HEATR4: variants seen among roughly 807,000 people sequenced by gnomAD.
HEATR4 encodes the protein HEAT repeat containing 4.
HEATR4 carries 95 observed loss-of-function variants against 108.8 expected under a neutral mutation model. That is an observed-to-expected ratio of 0.87 (90% CI 0.74 to 1.04). HEATR4 has a LOEUF of 1.04. Ranked by LOEUF, HEATR4 falls within the 50% of genes least tolerant of loss-of-function variation. The probability of loss-of-function intolerance (pLI) is 0.00; values close to 1 mark genes in which losing one functional copy is unlikely to be tolerated. For synonymous variants in HEATR4, 443 were observed against 459.4 expected, an observed-to-expected ratio of 0.96 and a Z score of 0.46; for missense variants, 1,152 against 1,253.8, an observed-to-expected ratio of 0.92 and a Z score of 1.23.
chr14:73,589,360 C>T, the HEATR4 span, among the ~76,000 whole-genome samples: 1 of 151,992 alleles, frequency 6.6e-6, no homozygotes, highest in African/African-American at 2.4e-5. Flanking sequence ...CGCTCTGTCA[C>T]CGATGCTGTA....
intron 4 of HEATR4, 74 bp downstream of exon 4, chr14:73,520,778 C>T: frequency 2.9e-6 from 4 of 1,395,960 alleles, no homozygotes; most frequent in Non-Finnish European, 4.0e-6. Flanking sequence ...CAACTGTTTC[C>T]AGCCCCCAGC....
At chr14:73,569,396 G>A in the HEATR4 span, 1 of 1,614,000 alleles carries the variant, frequency 6.2e-7, no homozygotes. Flanking sequence ...AGCTGAGGCA[G>A]GTTGGTCAGA....
the HEATR4 span, chr14:73,595,489 C>A: frequency 1.1e-5 from 17 of 1,613,914 alleles, no homozygotes; most frequent in Non-Finnish European, 1.4e-5. Flanking sequence ...CTCCTTACTT[C>A]CCCCTGTGCC....
the HEATR4 span, among the ~76,000 whole-genome samples, chr14:73,620,043 C>T: frequency 6.6e-6 from 1 of 151,792 alleles, no homozygotes; most frequent in South Asian, 2.1e-4. Context: ...TCCCGAGTAT[C>T]TGGGATTACA....
chr14:73,569,424 C>A, the HEATR4 span: 3 of 1,613,796 alleles, frequency 1.9e-6, no homozygotes, highest in Non-Finnish European at 2.5e-6. Flanking sequence ...GGTTCCTGCT[C>A]GGATGGCGGC....
At chr14:73,521,279 C>T (rs544848852) in intron 3 of HEATR4, among the ~76,000 whole-genome samples, 1 of 152,254 alleles carries the variant, frequency 6.6e-6, no homozygotes, top group Admixed American at 6.5e-5. Flanking sequence ...ATGCCTTCTG[C>T]AGCCACCAAG....
chr14:73,538,883 G>A (rs1482842350), intron 1 of HEATR4, among the ~76,000 whole-genome samples: 1 of 113,090 alleles, frequency 8.8e-6, no homozygotes, highest in Non-Finnish European at 1.9e-5. Flanking sequence ...CAGGAGAATC[G>A]CTGGAACCCT....
the HEATR4 span, chr14:73,631,622 G>A: frequency 5.1e-3 from 827 of 163,184 alleles, 8 homozygotes; most frequent in African/African-American, 0.018. Flanking sequence ...AGAACGGGTC[G>A]CTGCCACCAA....
chr14:73,568,111 C>T, the HEATR4 span: 1 of 151,972 alleles, frequency 6.6e-6, no homozygotes, highest in African/African-American at 2.4e-5. Context: ...ACAGAACATA[C>T]TTGAGGTGTT....
At chr14:73,577,673 C>T in the HEATR4 span, among the ~76,000 whole-genome samples, 4 of 151,906 alleles carry the variant, frequency 2.6e-5, no homozygotes, top group Non-Finnish European at 1.5e-5. Flanking sequence ...ACCTTAGGGA[C>T]CCTATTCCCC....
the HEATR4 span, among the ~76,000 whole-genome samples, chr14:73,607,695 C>T: frequency 1.3e-5 from 2 of 152,078 alleles, no homozygotes; most frequent in South Asian, 4.2e-4. Flanking sequence ...GCGATCTGGG[C>T]TCACTGCAAC....
chr14:73,587,788 T>C, the HEATR4 span, among the ~76,000 whole-genome samples: 1 of 152,228 alleles, frequency 6.6e-6, no homozygotes. Context: ...TCCCACTTGA[T>C]TTTGAGGATT....
the HEATR4 span, chr14:73,582,373 T>C: frequency 6.6e-6 from 1 of 151,138 alleles, no homozygotes; most frequent in Admixed American, 6.6e-5. Flanking sequence ...ATTTGAGATA[T>C]TCTTTCAGGT....
chr14:73,508,206 C>G lies in HEATR4; in HGVS notation c.1809G>C (p.Gln603His). The change falls in exon 9 of 18, where the codon CAG (glutamine) becomes CAC (histidine). Residue 603 changes from glutamine to histidine, a missense_variant. By Grantham distance (24) the Gln-to-His change is conservative. Coordinates refer to ENST00000553558, the MANE Select transcript of HEATR4 (RefSeq NM_001220484.1). ...TGTCCTCATTCTTCTTTGTAAACAG[C>G]TGGTGGAGGATCCTCTTAATCACAG... Reference protein sequence around the residue: ...TYPVIKRILHQLFTKKNEDTE... With the variant: ...TYPVIKRILHHLFTKKNEDTE... 3 of 1,613,950 alleles carry G rather than the reference C, an allele frequency of 1.9e-6. No homozygotes were observed. Among genetic ancestry groups the G allele is most frequent in the African/African-American group, 1.3e-5 (1 of 75,048 alleles).
At chr14:73,537,596 G>A in intron 1 of HEATR4, 1 of 1,222,796 alleles carries the variant, frequency 8.2e-7, no homozygotes, top group Non-Finnish European at 1.1e-6. Flanking sequence ...CACCCTTGGC[G>A]AGCTGGACCT....
rs145625808 is a variant in HEATR4, at chr14:73,522,624, G to T, written c.529C>A (p.Arg177=). 2.5e-6 allele frequency: 4 copies of T among 1,614,204 alleles called. No homozygotes were observed. In the East Asian group the frequency reaches 6.7e-5, roughly 27 times the overall value. ...HPCMHPDMLG[R]PPSLDVNLEE... ...AGGTTCACATCTAGAGAAGGTGGCC[G>T]ACCCAGCATATCTGGATGCATGCAG... Residue 177 remains arginine, a synonymous_variant, in exon 3 of 18, where the codon CGG becomes AGG. Transcript: ENST00000553558.
In HEATR4 at chr14:73,542,449, G is replaced by A. The variant is rs956202377; in HGVS notation, c.-151-12205C>T. Among the ~76,000 whole-genome samples the A allele has an allele frequency of 5.1e-5, 5 of 97,958 alleles. 1 individual carries two copies. The highest frequency in any genetic ancestry group is 5.4e-3 in the Middle Eastern group (1 of 184). The allele number at this position is 97,958 out of a possible 152,430, so 64.3% of individuals were successfully genotyped here. A position where few individuals can be genotyped will look rare whatever the true frequency, so the allele number is the denominator to read the frequency against. ...AGACGGAGTCTTGCCGTGTCAACGAGGCTGGAGTGCAGTGGCATGATCTCG... is the reference window on the plus strand; with the variant it reads ...AGACGGAGTCTTGCCGTGTCAACGAAGCTGGAGTGCAGTGGCATGATCTCG... On this transcript the variant is annotated intron_variant, in intron 1 of 17. Transcript: ENST00000553558.
At chr14:73,579,555 AAAGGG>A in the HEATR4 span, among the ~76,000 whole-genome samples, 1 of 147,242 alleles carries the variant, frequency 6.8e-6, no homozygotes, top group Non-Finnish European at 1.5e-5. Flanking sequence ...AGCCTGGGCA[AAAGGG>A]CAAAAGCCGT....
the HEATR4 span, among the ~76,000 whole-genome samples, chr14:73,609,949 A>G: frequency 6.6e-6 from 1 of 151,958 alleles, no homozygotes; most frequent in South Asian, 2.1e-4. Flanking sequence ...AGGTTGTTTT[A>G]AACAACAGAA....
Sources: gnomAD v4.1 joint callset for allele counts (sites outside exome capture counted in the v4.1 genomes callset) on GRCh38, gnomAD v4.1.1 for gene constraint, MANE v1.5 for transcripts, NCBI Gene and HGNC (gene_info 2026-07-23, HGNC 2026-07-21) for gene names.